NMNAT2: variants seen among roughly 807,000 people sequenced by gnomAD.
NMNAT2 encodes nicotinamide/nicotinic acid mononucleotide adenylyltransferase 2.
NMNAT2 carries 11 observed loss-of-function variants against 41.6 expected under a neutral mutation model. The observed-to-expected ratio is 0.26, with a 90% CI of 0.17 to 0.44. The LOEUF is 0.44. Among genes scored for constraint, NMNAT2 ranks in the 20% least tolerant of loss-of-function variants. The probability of loss-of-function intolerance (pLI) is 1.00; values close to 1 mark genes in which losing one functional copy is unlikely to be tolerated. For missense variants in NMNAT2, 288 were observed against 407.7 expected (o/e 0.71, Z 2.53); for synonymous variants, 148 against 151.2 (o/e 0.98, Z 0.16).
chr1:183,287,764 C>T (rs745410707), intron 4 of NMNAT2, among the ~76,000 whole-genome samples: 31 of 152,234 alleles, frequency 2.0e-4, no homozygotes, highest in Admixed American at 1.3e-3. Context: ...CACTCCTGCA[C>T]GCTACCCTTT....
chr1:183,385,142 C>T (rs1648177913), intron 1 of NMNAT2, among the ~76,000 whole-genome samples: 2 of 152,184 alleles, frequency 1.3e-5, no homozygotes, highest in Non-Finnish European at 1.5e-5. Flanking sequence ...TTTCAGGTTG[C>T]AGTGAGCTAT....
chr1:183,309,581 A>C (rs1024102974), intron 1 of NMNAT2, among the ~76,000 whole-genome samples: 3 of 152,244 alleles, frequency 2.0e-5, no homozygotes, highest in African/African-American at 7.2e-5. Context: ...ATTATACTAG[A>C]ATTGAATTTT....
chr1:183,317,946 C>G (rs1662287975), intron 1 of NMNAT2, among the ~76,000 whole-genome samples: 1 of 152,222 alleles, frequency 6.6e-6, no homozygotes, highest in African/African-American at 2.4e-5. Flanking sequence ...GTGGTGCACC[C>G]ACTGTGAGAC....
chr1:183,258,711 A>G (rs1660581550), intron 10 of NMNAT2, among the ~76,000 whole-genome samples: 1 of 152,092 alleles, frequency 6.6e-6, no homozygotes, highest in African/African-American at 2.4e-5. Context: ...AGTGTTTGCA[A>G]TATTTTGTAG....
intron 1 of NMNAT2, among the ~76,000 whole-genome samples, chr1:183,384,199 C>CTTTTTTTTTTTTTTTTTT (rs1663861575): frequency 2.6e-5 from 4 of 151,534 alleles, no homozygotes; most frequent in African/African-American, 9.8e-5. Context: ...GCGCTACACA[C>CTTTTTTTTTTTTTTTTTT]TTTTATGTTT....
At chr1:183,285,824 C>A (rs556953375) in intron 5 of NMNAT2, among the ~76,000 whole-genome samples, 1 of 152,198 alleles carries the variant, frequency 6.6e-6, no homozygotes, top group East Asian at 1.9e-4. Flanking sequence ...TAAATAAGAA[C>A]GCAGGTAAAG....
At chr1:183,402,258 C>T (rs1648832459) in intron 1 of NMNAT2, among the ~76,000 whole-genome samples, 1 of 152,164 alleles carries the variant, frequency 6.6e-6, no homozygotes, top group Non-Finnish European at 1.5e-5. Context: ...GATTAACTGC[C>T]TCCTTTCTTG....
At chr1:183,321,464 GGC>G in intron 1 of NMNAT2, among the ~76,000 whole-genome samples, 1 of 152,200 alleles carries the variant, frequency 6.6e-6, no homozygotes, top group Non-Finnish European at 1.5e-5. Flanking sequence ...TATTTGGCCA[GGC>G]GCGGTGGCTC....
At chr1:183,255,988 T>G (rs954035341) in intron 10 of NMNAT2, among the ~76,000 whole-genome samples, 5 of 152,158 alleles carry the variant, frequency 3.3e-5, no homozygotes, top group Admixed American at 1.3e-4. Flanking sequence ...GATAGTACTT[T>G]CAGTACTTTG....
At position 183,389,824 on chromosome 1, in the gene NMNAT2, GA is replaced by G. The variant is rs1200790329; in HGVS notation, c.85+28358del. Among the ~76,000 whole-genome samples the G allele has an allele frequency of 7.4e-5, 4 of 54,292 alleles. 1 individual carries two copies. The highest frequency in any genetic ancestry group is 1.8e-4 in the African/African-American group (3 of 16,296). 35.6% of individuals were successfully genotyped at this position (54,292 alleles called of 152,430 possible). On this transcript the variant is annotated intron_variant, in intron 1 of 10. Transcript: ENST00000287713. Reference sequence around the variant, plus strand: ...AGAAAGAAAGAAAGAAAGAAAGAAAGAAAGAAAGAAAGAAAGAAAGGAAAAA... The same window carrying G: ...AGAAAGAAAGAAAGAAAGAAAGAAAGAAGAAAGAAAGAAAGAAAGGAAAAA...
intron 1 of NMNAT2, among the ~76,000 whole-genome samples, chr1:183,362,274 C>A (rs1663322577): frequency 6.6e-6 from 1 of 152,178 alleles, no homozygotes; most frequent in Non-Finnish European, 1.5e-5. Flanking sequence ...ATTCACATAT[C>A]ATAAAATAGG....
intron 1 of NMNAT2, among the ~76,000 whole-genome samples, chr1:183,364,484 G>T (rs1361880405): frequency 6.6e-6 from 1 of 152,152 alleles, no homozygotes; most frequent in African/African-American, 2.4e-5. Context: ...ATATTTTGGA[G>T]AAGGAAACCA....
intron 1 of NMNAT2, among the ~76,000 whole-genome samples, chr1:183,301,497 C>T (rs1661851963): frequency 6.6e-6 from 1 of 152,206 alleles, no homozygotes; most frequent in Admixed American, 6.5e-5. Context: ...CAGTTCTGCC[C>T]CAAAGAAGGA....
chr1:183,383,491 A>G (rs889652610), intron 1 of NMNAT2, among the ~76,000 whole-genome samples: 2 of 150,764 alleles, frequency 1.3e-5, no homozygotes, highest in African/African-American at 4.9e-5. Context: ...CAAATTTTCT[A>G]AACTTTTATG....
At chr1:183,331,018 C>A (rs574139220) in intron 1 of NMNAT2, among the ~76,000 whole-genome samples, 35 of 152,170 alleles carry the variant, frequency 2.3e-4, no homozygotes, top group Non-Finnish European at 3.7e-4. Flanking sequence ...CTCTCTCTCC[C>A]CTCCCTTTTT....
At chr1:183,410,212 A>G (rs1019511731) in intron 1 of NMNAT2, among the ~76,000 whole-genome samples, 5 of 151,310 alleles carry the variant, frequency 3.3e-5, no homozygotes, top group African/African-American at 4.9e-5. Flanking sequence ...AGTCCCAGCT[A>G]CTCTGGAGGC....
intron 8 of NMNAT2, among the ~76,000 whole-genome samples, chr1:183,265,249 CTTCTTCTTCTT>C: frequency 7.7e-6 from 1 of 130,246 alleles, no homozygotes; most frequent in Non-Finnish European, 1.6e-5. Context: ...TTCTCTTCTT[CTTCTTCTTCTT>C]TTTTTTTTTT....
chr1:183,401,476 A>G (rs1464243424), intron 1 of NMNAT2, among the ~76,000 whole-genome samples: 2 of 152,228 alleles, frequency 1.3e-5, no homozygotes, highest in African/African-American at 4.8e-5. Context: ...GGGACTGTAA[A>G]CTAGTTCAAC....
chr1:183,262,307 GA>G (rs34544289), intron 8 of NMNAT2, among the ~76,000 whole-genome samples: 135,358 of 143,846 alleles, frequency 0.94, 63,710 homozygotes, highest in South Asian at 0.99. Flanking sequence ...AGAGAATCCA[GA>G]AAAAAAAAAA....
Sources: gnomAD v4.1 joint callset for allele counts (sites outside exome capture counted in the v4.1 genomes callset) on GRCh38, gnomAD v4.1.1 for gene constraint, MANE v1.5 for transcripts, NCBI Gene and HGNC (gene_info 2026-07-23, HGNC 2026-07-21) for gene names.